RIT2: variants seen among roughly 807,000 people sequenced by gnomAD.
RIT2 encodes the protein GTP-binding protein Rit2.
Under a neutral mutation model 23.7 loss-of-function variants are expected in RIT2, and 24 were observed. That is an observed-to-expected ratio of 1.01 (90% CI 0.73 to 1.43). RIT2 has a LOEUF of 1.43. Ranked by LOEUF, RIT2 falls within the 40% of genes most tolerant of loss-of-function variation. The pLI is 0.00. For missense variants in RIT2, 236 were observed against 266.9 expected, an observed-to-expected ratio of 0.88 and a Z score of 0.81; for synonymous variants, 107 against 91.1, an observed-to-expected ratio of 1.17 and a Z score of -0.99.
At chr18:42,890,968 T>C (rs1184310889) in intron 4 of RIT2, among the ~76,000 whole-genome samples, 2 of 152,166 alleles carry the variant, frequency 1.3e-5, no homozygotes, top group Admixed American at 6.6e-5. Flanking sequence ...TCAGGGACTA[T>C]TTAGTTTATA....
At chr18:42,931,363 G>T (rs1234657498) in intron 3 of RIT2, among the ~76,000 whole-genome samples, 1 of 152,098 alleles carries the variant, frequency 6.6e-6, no homozygotes, top group Admixed American at 6.6e-5. Flanking sequence ...GTAAAGCCAG[G>T]TCTAGTTTAA....
At chr18:42,857,888 T>C (rs919276325) in intron 4 of RIT2, among the ~76,000 whole-genome samples, 1 of 152,132 alleles carries the variant, frequency 6.6e-6, no homozygotes, top group Non-Finnish European at 1.5e-5. Flanking sequence ...GGTGATTTAA[T>C]AACATTTGCA....
chr18:42,889,220 G>A (rs1024224546), intron 4 of RIT2, among the ~76,000 whole-genome samples: 1 of 151,886 alleles, frequency 6.6e-6, no homozygotes, highest in African/African-American at 2.4e-5. Context: ...AAACCACCCA[G>A]GCTATCCAGC....
intron 1 of RIT2, 138 bp from the exon 2 acceptor site, chr18:43,034,005 C>A (rs1911917870): frequency 3.5e-6 from 2 of 577,026 alleles, no homozygotes; most frequent in African/African-American, 1.9e-5. Context: ...TAATTTCACA[C>A]AAAATGAAAA....
chr18:42,932,047 C>A (rs989638185), intron 3 of RIT2, among the ~76,000 whole-genome samples: 11 of 152,010 alleles, frequency 7.2e-5, no homozygotes, highest in South Asian at 2.1e-4. Flanking sequence ...TCAGTAAAAA[C>A]CAAATGATCT....
intron 4 of RIT2, among the ~76,000 whole-genome samples, chr18:42,916,832 G>A (rs753179531): frequency 2.4e-4 from 36 of 152,040 alleles, no homozygotes; most frequent in African/African-American, 3.1e-4. Flanking sequence ...AGTCTGAAGC[G>A]CAAGATGTTT....
chr18:42,760,223 C>T (rs1310244493), intron 4 of RIT2, among the ~76,000 whole-genome samples: 1 of 152,202 alleles, frequency 6.6e-6, no homozygotes, highest in Non-Finnish European at 1.5e-5. Context: ...AGAAACCCCT[C>T]TGTGGCCTTA....
chr18:42,987,227 T>C (rs1910732194), intron 2 of RIT2, among the ~76,000 whole-genome samples: 1 of 152,132 alleles, frequency 6.6e-6, no homozygotes, highest in Non-Finnish European at 1.5e-5. Flanking sequence ...GGCAAGTGGG[T>C]GTACTTCCCC....
intron 3 of RIT2, among the ~76,000 whole-genome samples, chr18:42,946,136 G>T (rs1194770337): frequency 2.0e-5 from 3 of 151,974 alleles, no homozygotes; most frequent in Non-Finnish European, 4.4e-5. Flanking sequence ...ATAATATGTA[G>T]ACCCTATGAA....
intron 4 of RIT2, among the ~76,000 whole-genome samples, chr18:42,901,777 G>A (rs192148461): frequency 6.2e-4 from 95 of 152,074 alleles, no homozygotes; most frequent in Non-Finnish European, 2.2e-4. Context: ...GTTTATTGGC[G>A]TGGCTTTAGA....
intron 4 of RIT2, among the ~76,000 whole-genome samples, chr18:42,900,022 A>T (rs541573936): frequency 6.6e-6 from 1 of 152,240 alleles, no homozygotes; most frequent in South Asian, 2.1e-4. Context: ...AATTTAATTA[A>T]TTAATGAAAA....
chr18:42,768,822 A>G (rs1290232340), intron 4 of RIT2, among the ~76,000 whole-genome samples: 1 of 152,110 alleles, frequency 6.6e-6, no homozygotes, highest in African/African-American at 2.4e-5. Flanking sequence ...AATGATAGAT[A>G]TTTATCACTG....
At chr18:42,908,434 G>A (rs144790929) in intron 4 of RIT2, among the ~76,000 whole-genome samples, 3 of 152,088 alleles carry the variant, frequency 2.0e-5, no homozygotes, top group Non-Finnish European at 4.4e-5. Flanking sequence ...TAAAGCTACA[G>A]ATTCAAGAAG....
At chr18:42,824,781 T>TG (rs1906249184) in intron 4 of RIT2, among the ~76,000 whole-genome samples, 1 of 143,398 alleles carries the variant, frequency 7.0e-6, no homozygotes, top group Non-Finnish European at 1.6e-5. Context: ...GTGTGTGTGT[T>TG]TGTGTTTAAT....
chr18:42,884,931 C>A (rs1907983163), intron 4 of RIT2, among the ~76,000 whole-genome samples: 1 of 152,194 alleles, frequency 6.6e-6, no homozygotes, highest in African/African-American at 2.4e-5. Flanking sequence ...ATCATTCTTG[C>A]TCACTTTTTA....
At chr18:42,991,175 C>G (rs1910838463) in intron 2 of RIT2, among the ~76,000 whole-genome samples, 1 of 152,142 alleles carries the variant, frequency 6.6e-6, no homozygotes, top group Admixed American at 6.6e-5. Flanking sequence ...ATGATTGAGA[C>G]AGAAGCAGCA....
chr18:43,026,863 A>G (rs1485902890), intron 2 of RIT2, among the ~76,000 whole-genome samples: 1 of 152,098 alleles, frequency 6.6e-6, no homozygotes, highest in Middle Eastern at 3.2e-3. Flanking sequence ...ACACAAGGCC[A>G]TGACACTGAA....
chr18:42,773,733 C>T (rs536511349), intron 4 of RIT2, among the ~76,000 whole-genome samples: 1 of 152,050 alleles, frequency 6.6e-6, no homozygotes, highest in Non-Finnish European at 1.5e-5. Context: ...TTAATGAGTA[C>T]ACAAATTTGA....
chr18:42,844,743 G>A (rs1428943194), intron 4 of RIT2, among the ~76,000 whole-genome samples: 1 of 152,128 alleles, frequency 6.6e-6, no homozygotes, highest in Non-Finnish European at 1.5e-5. Flanking sequence ...GAACCAATCA[G>A]GAGAGGGTGG....
Sources: allele counts gnomAD v4.1 joint callset (sites outside exome capture counted in the v4.1 genomes callset), GRCh38; gene constraint gnomAD v4.1.1; transcripts MANE v1.5; gene names NCBI Gene and HGNC (gene_info 2026-07-23, HGNC 2026-07-21).